TANC1: variants seen among roughly 807,000 people sequenced by gnomAD.
The protein encoded by TANC1 is tetratricopeptide repeat, ankyrin repeat and coiled-coil containing 1, also known as protein TANC1.
In TANC1, 77 loss-of-function variants were observed where a neutral mutation model predicts 149.7. The ratio of observed to expected loss-of-function variants is 0.51; its 90% CI spans 0.43 to 0.62. The LOEUF is 0.62. Ranked by LOEUF, TANC1 falls within the 20% of genes least tolerant of loss-of-function variation. The pLI, the probability that TANC1 is intolerant of heterozygous loss-of-function variation, is 0.00. For missense variants in TANC1, 1,985 were observed against 2,321.8 expected (o/e 0.85, Z 2.98); for synonymous variants, 854 against 925.0 (o/e 0.92, Z 1.39).
intron 16 of TANC1, among the ~76,000 whole-genome samples, chr2:159,189,176 G>A (rs1398578158): frequency 1.3e-5 from 2 of 152,258 alleles, no homozygotes; most frequent in African/African-American, 4.8e-5. Context: ...TACATGAATT[G>A]TTGTTAGTGC....
At chr2:159,200,294 T>C (rs1240713549) in intron 19 of TANC1, among the ~76,000 whole-genome samples, 1 of 152,118 alleles carries the variant, frequency 6.6e-6, no homozygotes, top group Non-Finnish European at 1.5e-5. Flanking sequence ...GCTTAGACAT[T>C]CTGATTCACT....
chr2:159,083,960 T>C, intron 3 of TANC1, among the ~76,000 whole-genome samples: 1 of 147,824 alleles, frequency 6.8e-6, no homozygotes, highest in Admixed American at 6.7e-5. Context: ...TATAGAAAAA[T>C]GCAGTCATCA....
rs188802449 is a variant in TANC1 at position 159,015,301 on chromosome 2, G to T, written c.-16+14112G>T. On this transcript the variant is annotated intron_variant, in intron 2 of 26. Coordinates refer to ENST00000263635, the MANE Select transcript of TANC1 (RefSeq NM_033394.3). ...TCTGAGGCCACAGTCCAAGCTCTAC[G>T]TTGGCCCCTTTCATTCATGGCTGGA... Among the ~76,000 whole-genome samples the T allele has an allele frequency of 3.6e-3, 555 of 152,316 alleles. 5 individuals carry two copies. The highest frequency in any genetic ancestry group is 0.012 in the African/African-American group (513 of 41,554).
At chr2:159,102,549 C>T (rs533875372) in intron 4 of TANC1, among the ~76,000 whole-genome samples, 1 of 135,294 alleles carries the variant, frequency 7.4e-6, no homozygotes, top group African/African-American at 2.7e-5. Context: ...CCAACTTGGC[C>T]TCCCAAAGTG....
In TANC1 at chr2:159,163,564, C is replaced by T; in HGVS notation, c.946+18C>T. 6.2e-7 allele frequency: 1 copy of T among 1,603,494 alleles called. No homozygotes were observed. The highest frequency in any genetic ancestry group is 2.2e-5 in the East Asian group (1 of 44,680). On this transcript the variant is annotated intron_variant, in intron 8 of 26. Transcript: ENST00000263635. The stretch of plus-strand genomic sequence containing the variant: ...AGTTGCAGGTAAGGCCACACCTTTC[C>T]CTGGAAGGATTATCTCAGGGATACC...
intron 6 of TANC1, 75 bp downstream of exon 6, chr2:159,149,347 C>T (rs2052517126): frequency 1.3e-6 from 2 of 1,589,872 alleles, no homozygotes; most frequent in African/African-American, 1.3e-5. Flanking sequence ...TTCTCCCTTT[C>T]CTTGAGCAGG....
At chr2:159,069,907 G>A (rs532495818) in intron 3 of TANC1, among the ~76,000 whole-genome samples, 23 of 151,092 alleles carry the variant, frequency 1.5e-4, no homozygotes, top group African/African-American at 4.1e-4. Context: ...TAGCCACCAC[G>A]CTACCATGCC....
intron 2 of TANC1, among the ~76,000 whole-genome samples, chr2:159,061,568 T>C (rs73969427): frequency 0.11 from 16,344 of 152,270 alleles, 892 homozygotes; most frequent in African/African-American, 0.12. Flanking sequence ...TTCTTCATTG[T>C]ACTTAAGCGT....
intron 22 of TANC1, 126 bp downstream of exon 22, chr2:159,219,993 T>TGC: frequency 1.5e-6 from 1 of 648,866 alleles, no homozygotes; most frequent in Non-Finnish European, 2.5e-6. Flanking sequence ...TGTGTGTGTG[T>TGC]GTGTGTGTGT....
chr2:159,134,160 C>A (rs956515089), intron 4 of TANC1, among the ~76,000 whole-genome samples: 1 of 152,116 alleles, frequency 6.6e-6, no homozygotes, highest in Non-Finnish European at 1.5e-5. Context: ...GTTGTAGATT[C>A]CTGCCTGCAT....
intron 3 of TANC1, among the ~76,000 whole-genome samples, chr2:159,097,220 G>A (rs1376672612): frequency 6.6e-6 from 1 of 152,156 alleles, no homozygotes; most frequent in Non-Finnish European, 1.5e-5. Flanking sequence ...GAGAGGAGCA[G>A]TGGAGGCCTG....
chr2:159,192,540 G>A (rs1242433206), intron 16 of TANC1, among the ~76,000 whole-genome samples: 3 of 152,222 alleles, frequency 2.0e-5, no homozygotes, highest in Admixed American at 2.0e-4. Context: ...CAAACCAAGA[G>A]TGTCAATATC....
chr2:159,116,467 AC>A lies in TANC1; in HGVS notation c.259+18634del, dbSNP rs1010558919. On this transcript the variant is annotated intron_variant, in intron 4 of 26. Coordinates refer to ENST00000263635, the MANE Select transcript of TANC1 (RefSeq NM_033394.3). ...CAACAACAACAACAAAAAAAAAAAAACAAAGGACCTGTTAGCTTTTGGAAAT... is the reference window on the plus strand; with the variant it reads ...CAACAACAACAACAAAAAAAAAAAAAAAAGGACCTGTTAGCTTTTGGAAAT... Among the ~76,000 whole-genome samples the A allele has an allele frequency of 3.8e-4, 58 of 151,856 alleles. 1 individual carries two copies. The highest frequency in any genetic ancestry group is 1.4e-3 in the African/African-American group (57 of 41,314).
At chr2:158,973,167 T>G (rs1437262230) in intron 1 of TANC1, among the ~76,000 whole-genome samples, 1 of 152,140 alleles carries the variant, frequency 6.6e-6, no homozygotes, top group East Asian at 1.9e-4. Flanking sequence ...TAGCACAGAT[T>G]TTTTCGCTAA....
intron 3 of TANC1, among the ~76,000 whole-genome samples, chr2:159,075,971 G>A (rs1212086922): frequency 6.6e-6 from 1 of 152,100 alleles, no homozygotes; most frequent in Non-Finnish European, 1.5e-5. Flanking sequence ...CTATTACTAG[G>A]GGGTATTTGT....
At chr2:159,082,889 C>T (rs1212929703) in intron 3 of TANC1, among the ~76,000 whole-genome samples, 1 of 152,138 alleles carries the variant, frequency 6.6e-6, no homozygotes, top group Non-Finnish European at 1.5e-5. Context: ...GACTCAAATT[C>T]CCTTAAGACC....
At position 159,015,491 on chromosome 2, in the gene TANC1, G is replaced by A. The variant is rs113774220; in HGVS notation, c.-16+14302G>A. ...TGGAGACATTTTCCCCATTGTCTTG[G>A]GGATTAACATTGGCTCTTCATTACT... On this transcript the variant is annotated intron_variant, in intron 2 of 26. Coordinates refer to ENST00000263635, the MANE Select transcript of TANC1 (RefSeq NM_033394.3). Among the ~76,000 whole-genome samples the A allele has an allele frequency of 1.6e-4, 25 of 152,296 alleles. 1 individual carries two copies. Among genetic ancestry groups the A allele is most frequent in the African/African-American group, 6.0e-4 (25 of 41,576 alleles).
At chr2:158,971,692 A>T (rs1231827707) in intron 1 of TANC1, among the ~76,000 whole-genome samples, 1 of 152,166 alleles carries the variant, frequency 6.6e-6, no homozygotes, top group Non-Finnish European at 1.5e-5. Context: ...TTGCATCCCT[A>T]AAGTTCTGTG....
At chr2:159,079,236 G>A (rs1252186183) in intron 3 of TANC1, among the ~76,000 whole-genome samples, 1 of 151,740 alleles carries the variant, frequency 6.6e-6, no homozygotes, top group East Asian at 1.9e-4. Context: ...TCACTATATT[G>A]TCCAGGCTGA....
Sources: gnomAD v4.1 joint callset for allele counts (sites outside exome capture counted in the v4.1 genomes callset) on GRCh38, gnomAD v4.1.1 for gene constraint, MANE v1.5 for transcripts, NCBI Gene and HGNC (gene_info 2026-07-23, HGNC 2026-07-21) for gene names.